AMOTL1: variants seen among roughly 807,000 people sequenced by gnomAD.
The protein encoded by AMOTL1 is angiomotin like 1.
In AMOTL1, 45 loss-of-function variants were observed where a neutral mutation model predicts 102.9. The observed-to-expected ratio is 0.44, with a 90% CI of 0.34 to 0.56. The LOEUF is 0.56. Ranked by LOEUF, AMOTL1 falls within the 20% of genes least tolerant of loss-of-function variation. AMOTL1 has a pLI of 0.01. For missense variants in AMOTL1, 1,114 were observed against 1,225.6 expected, an observed-to-expected ratio of 0.91 and a Z score of 1.36; for synonymous variants, 481 against 484.7, an observed-to-expected ratio of 0.99 and a Z score of 0.10.
chr11:94,769,848 A>G (rs927446810), intron 1 of AMOTL1, among the ~76,000 whole-genome samples: 4 of 152,070 alleles, frequency 2.6e-5, no homozygotes, highest in Non-Finnish European at 5.9e-5. Context: ...TGTACTGCTT[A>G]TAGAAGGCCT....
At chr11:94,812,756 C>G (rs1373499734) in intron 3 of AMOTL1, among the ~76,000 whole-genome samples, 1 of 152,050 alleles carries the variant, frequency 6.6e-6, no homozygotes, top group African/African-American at 2.4e-5. Context: ...ATTTGCCATT[C>G]ACAAAAGCAA....
intron 2 of AMOTL1, among the ~76,000 whole-genome samples, chr11:94,736,797 T>G (rs1473393992): frequency 6.6e-6 from 1 of 152,202 alleles, no homozygotes; most frequent in African/African-American, 2.4e-5. Flanking sequence ...AAAAGTCAAG[T>G]GTGGGTAGGC....
At chr11:94,848,326 G>A (rs767399881) in intron 6 of AMOTL1, among the ~76,000 whole-genome samples, 17 of 152,098 alleles carry the variant, frequency 1.1e-4, no homozygotes, top group Non-Finnish European at 2.1e-4. Context: ...GGAAGAAGGG[G>A]CAGTGCAGTG....
chr11:94,830,499 A>G (rs773687490), intron 5 of AMOTL1, among the ~76,000 whole-genome samples: 1 of 152,238 alleles, frequency 6.6e-6, no homozygotes, highest in African/African-American at 2.4e-5. Flanking sequence ...ACCACGATTC[A>G]TGGCTATGAG....
intron 3 of AMOTL1, among the ~76,000 whole-genome samples, chr11:94,752,518 C>T (rs1343837631): frequency 1.3e-5 from 2 of 152,142 alleles, no homozygotes; most frequent in African/African-American, 4.8e-5. Context: ...AACATTTATC[C>T]CCATGGCACA....
chr11:94,735,054 C>T (rs927877491), intron 2 of AMOTL1, among the ~76,000 whole-genome samples: 2 of 152,198 alleles, frequency 1.3e-5, no homozygotes, highest in South Asian at 2.1e-4. Flanking sequence ...TGTGAGACTC[C>T]GTCTCTTCCT....
intron 7 of AMOTL1, among the ~76,000 whole-genome samples, chr11:94,851,537 G>C (rs1442306270): frequency 6.6e-6 from 1 of 152,136 alleles, no homozygotes; most frequent in Non-Finnish European, 1.5e-5. Flanking sequence ...ATTCAGTTCA[G>C]ATACTGAGAG....
chr11:94,821,670 C>G lies in AMOTL1; in HGVS notation c.1262C>G (p.Pro421Arg). ...LPMALGAPQPPPAASPSQQLG... is the reference protein window; with the variant it reads ...LPMALGAPQPRPAASPSQQLG... ...ATGGCCCTGGGTGCTCCACAGCCCC[C>G]GCCTGCCGCCTCCCCCAGCCAGCAG... Residue 421 changes from proline to arginine, a missense_variant, in exon 4 of 13, where the codon CCG becomes CGG. Coordinates refer to ENST00000433060, the MANE Select transcript of AMOTL1 (RefSeq NM_130847.3). 1 of 1,613,954 alleles carries G rather than the reference C, an allele frequency of 6.2e-7. No individual in the cohort carries two copies. The highest frequency in any genetic ancestry group is 8.5e-7 in the Non-Finnish European group (1 of 1,179,894).
At chr11:94,858,428 C>T (rs763050457) in intron 8 of AMOTL1, among the ~76,000 whole-genome samples, 3 of 152,186 alleles carry the variant, frequency 2.0e-5, no homozygotes, top group Non-Finnish European at 2.9e-5. Context: ...CTTTTTTCCT[C>T]TCTGATAGGA....
chr11:94,850,153 A>T lies in AMOTL1; in HGVS notation c.1688A>T (p.Glu563Val). 1 of 1,585,848 alleles carries T rather than the reference A, an allele frequency of 6.3e-7. No individual in the cohort carries two copies. Among genetic ancestry groups the T allele is most frequent in the Non-Finnish European group, 8.6e-7 (1 of 1,165,458 alleles). Residue 563 changes from glutamate (E) to valine (V), a missense_variant, in exon 7 of 13, where the codon GAG becomes GTG. Transcript: ENST00000433060. ...AAGGAAAAGGAGAAATTAGAAATGG[A>T]GTTAGCAGCAGTGCGGACTGCAAGT... ...FLKEKEKLEM[E>V]LAAVRTASED...
chr11:94,745,665 A>G (rs572274872), intron 3 of AMOTL1, among the ~76,000 whole-genome samples: 36 of 152,206 alleles, frequency 2.4e-4, no homozygotes, highest in Non-Finnish European at 4.0e-4. Flanking sequence ...AATCAACTCA[A>G]CTGGGACCTT....
At position 94,876,674 on chromosome 11, in the gene AMOTL1, C is replaced by T. The variant is rs1439118140; in HGVS notation, c.*5879C>T. 5.9e-5 allele frequency: 9 copies of T among 152,656 alleles called. No homozygotes were observed. The East Asian group carries it at 1.2e-3, about 20-fold the overall frequency. The allele number at this position is 152,656 out of a possible 1,614,324, so 9.5% of individuals were successfully genotyped here. A position where few individuals can be genotyped will look rare whatever the true frequency, so the allele number is the denominator to read the frequency against. On this transcript the variant is annotated 3_prime_UTR_variant, in exon 13 of 13. Coordinates refer to ENST00000433060, the MANE Select transcript of AMOTL1 (RefSeq NM_130847.3). ...AAATGGATAAAATGGCAAAATGACT[C>T]TTTTCTCTCGCTTGCTCCTTTCTTC...
Position 94,799,849 on chromosome 11 carries a change from T to C in AMOTL1, c.659T>C (p.Met220Thr), listed in dbSNP as rs1171592040. 6.3e-7 allele frequency: 1 copy of C among 1,591,590 alleles called. No homozygotes were observed. The highest frequency in any genetic ancestry group is 8.6e-7 in the Non-Finnish European group (1 of 1,168,706). ...GGGGCGGTGGGCCATGGTTACTACA[T>C]GGCAGGGGGCACCAGTCAGAAGTCC... ...QQGAVGHGYY[M>T]AGGTSQKSRT... Residue 220 changes from methionine (M) to threonine (T), a missense_variant, in exon 3 of 13, where the codon ATG becomes ACG. Coordinates refer to ENST00000433060, the MANE Select transcript of AMOTL1 (RefSeq NM_130847.3). The surrounding 1 kb of genome is among the most constrained non-coding windows in gnomAD (Gnocchi z 4.5).
chr11:94,741,427 C>T (rs568448403), intron 3 of AMOTL1, among the ~76,000 whole-genome samples: 1 of 152,158 alleles, frequency 6.6e-6, no homozygotes, highest in Non-Finnish European at 1.5e-5. Context: ...GTCGTCCTTA[C>T]CCTGAATTTA....
In AMOTL1 at chr11:94,869,363, T is replaced by G. The variant is rs775201591; in HGVS notation, c.2654T>G (p.Leu885Arg). The G allele has an allele frequency of 2.5e-6, 4 of 1,610,010 alleles. No individual in the cohort carries two copies. The African/African-American group carries it at 4.0e-5, about 16-fold the overall frequency. The change falls in exon 12 of 13, where the codon CTC becomes CGC. Residue 885 changes from leucine to arginine, a missense_variant. By Grantham distance (102) the Leu-to-Arg change is moderately radical (BLOSUM62 -2). Coordinates refer to ENST00000433060, the MANE Select transcript of AMOTL1 (RefSeq NM_130847.3). ...SSTQTDKSAE[L>R]FWPSMASLPS... ...ACACAGACTGACAAGAGTGCCGAGC[T>G]CTTCTGGCCCAGCATGGCCTCCCTT...
intron 11 of AMOTL1, among the ~76,000 whole-genome samples, chr11:94,868,321 A>G (rs1373636695): frequency 6.6e-6 from 1 of 152,222 alleles, no homozygotes. Context: ...TCTATAGGCT[A>G]GCATTCTAGG....
rs756534459 is a variant in AMOTL1 at position 94,821,600 on chromosome 11, G to A, written c.1192G>A (p.Ala398Thr). ...CCCCATGTCCTCCCAGACCTCTTCC[G>A]CCAGCGGGCCACTGCACTCTGTCTC... The part of the protein sequence containing the change: ...HSPMSSQTSS[A>T]SGPLHSVSLP... Residue 398 changes from alanine (A) to threonine (T), a missense_variant, in exon 4 of 13, where the codon GCC becomes ACC. Transcript: ENST00000433060. 2.2e-5 allele frequency: 36 copies of A among 1,613,552 alleles called. No individual in the cohort carries two copies. Among genetic ancestry groups the A allele is most frequent in the Middle Eastern group, 1.6e-4 (1 of 6,084 alleles).
At chr11:94,815,118 A>T (rs1394399134) in intron 3 of AMOTL1, among the ~76,000 whole-genome samples, 1 of 152,242 alleles carries the variant, frequency 6.6e-6, no homozygotes. Context: ...TATTCATGAA[A>T]TGTAATTAGA....
chr11:94,773,617 T>A (rs952221482), intron 1 of AMOTL1, among the ~76,000 whole-genome samples: 1 of 152,228 alleles, frequency 6.6e-6, no homozygotes, highest in East Asian at 1.9e-4. Flanking sequence ...AGGGCTTCCC[T>A]GGGCATGCTG....
Sources: gnomAD v4.1 joint callset for allele counts (sites outside exome capture counted in the v4.1 genomes callset) on GRCh38, gnomAD v4.1.1 for gene constraint, Gnocchi (gnomAD v3.1) non-coding constraint, MANE v1.5 for transcripts, NCBI Gene and HGNC (gene_info 2026-07-23, HGNC 2026-07-21) for gene names.